EP400: variants seen among roughly 807,000 people sequenced by gnomAD.
EP400 encodes E1A-binding protein p400.
Under a neutral mutation model 354.1 loss-of-function variants are expected in EP400, and 105 were observed. That is an observed-to-expected ratio of 0.30 (90% CI 0.25 to 0.35). EP400 has a LOEUF of 0.35. Among genes scored for constraint, EP400 ranks in the 10% least tolerant of loss-of-function variants. EP400 has a pLI of 1.00. For missense variants in EP400, 3,280 were observed against 4,121.0 expected, an observed-to-expected ratio of 0.80 and a Z score of 5.59; for synonymous variants, 1,646 against 1,716.9, an observed-to-expected ratio of 0.96 and a Z score of 1.02.
In EP400 at chr12:132,012,990, T is replaced by C. The variant is rs1206379490; in HGVS notation, c.3442-19T>C. The C allele has an allele frequency of 6.3e-7, 1 of 1,587,312 alleles. No homozygotes were observed. The highest frequency in any genetic ancestry group is 8.6e-7 in the Non-Finnish European group (1 of 1,164,224). On this transcript the variant is annotated intron_variant, in intron 16 of 52. Transcript: ENST00000389561. ...ACAGTGGAGTGTGAAGGCACTGAGC[T>C]GTCCTCTCTGTGCTGCAGGAGTGGG...
intron 11 of EP400, 109 bp downstream of exon 11, chr12:131,992,339 G>T: frequency 2.0e-6 from 2 of 1,009,052 alleles, no homozygotes; most frequent in Non-Finnish European, 2.9e-6. Context: ...TGGTTGGAAA[G>T]CTCAACCTTT....
chr12:131,990,865 C>A lies in EP400; in HGVS notation c.2629+151C>A. 1 of 642,158 alleles carries A rather than the reference C, an allele frequency of 1.6e-6. No individual in the cohort carries two copies. The allele number at this position is 642,158 out of a possible 1,614,324, so 39.8% of individuals were successfully genotyped here. Reference sequence around the variant, plus strand: ...GATTGTTACATTTCTCTTTGTGTGGCCATCCTAGTTTTATGCTTCAGTGCT... The same window carrying A: ...GATTGTTACATTTCTCTTTGTGTGGACATCCTAGTTTTATGCTTCAGTGCT... On this transcript the variant is annotated intron_variant, in intron 9 of 52. Coordinates refer to ENST00000389561, the MANE Select transcript of EP400 (RefSeq NM_015409.5). The surrounding 1 kb of genome is among the most constrained non-coding windows in gnomAD (Gnocchi z 4.2).
In EP400 at chr12:131,971,386, TG is replaced by T. The variant is rs368208396; in HGVS notation, c.1336-8305del. On this transcript the variant is annotated intron_variant, in intron 2 of 52. Transcript: ENST00000389561. The stretch of plus-strand genomic sequence containing the variant: ...ACTATATTATCTGTTCATCTGTTGC[TG>T]GGCACTTAGGTTGTTTTCATAGCTT... Among the ~76,000 whole-genome samples the T allele has an allele frequency of 5.9e-5, 9 of 152,356 alleles. No homozygotes were observed. In the East Asian group the frequency reaches 1.7e-3, roughly 29 times the overall value.
chr12:131,953,560 A>G (rs544251952), intron 1 of EP400, among the ~76,000 whole-genome samples: 1 of 152,358 alleles, frequency 6.6e-6, no homozygotes, highest in Non-Finnish European at 1.5e-5. Context: ...AGTAACATAC[A>G]GTGTGATAAG....
At chr12:132,076,407 C>T in intron 51 of EP400, 109 bp from the exon 52 acceptor site, 2 of 1,085,044 alleles carry the variant, frequency 1.8e-6, no homozygotes, top group Non-Finnish European at 2.8e-6. Context: ...TCTGTGTCAC[C>T]TGGTCATTGT....
intron 12 of EP400, among the ~76,000 whole-genome samples, chr12:132,000,793 G>C (rs1252054785): frequency 6.6e-6 from 1 of 152,144 alleles, no homozygotes; most frequent in East Asian, 1.9e-4. Flanking sequence ...TTAAATTCCA[G>C]TTACCAGTTT....
At chr12:132,061,960 A>T in intron 45 of EP400, 150 bp from the exon 46 acceptor site, 5 of 653,560 alleles carry the variant, frequency 7.7e-6, no homozygotes, top group Non-Finnish European at 1.3e-5. Context: ...TTACACATGA[A>T]ATCAGCAGTT....
Position 132,006,308 on chromosome 12 carries a change from G to A in EP400, c.3126+6G>A, listed in dbSNP as rs1006778358. Reference sequence around the variant, plus strand: ...GTGCTCGGGTCACAACCTCGGTGAGGCGCTAAGCTTTCAAGTGTGGGATGG... The same window carrying A: ...GTGCTCGGGTCACAACCTCGGTGAGACGCTAAGCTTTCAAGTGTGGGATGG... On this transcript the variant is annotated splice_donor_region_variant and intron_variant, in intron 14 of 52. Transcript: ENST00000389561. The A allele has an allele frequency of 8.1e-6, 13 of 1,613,330 alleles. No homozygotes were observed. The African/African-American group carries it at 9.3e-5, about 12-fold the overall frequency.
At chr12:132,076,299 A>T in intron 51 of EP400, 1 of 637,748 alleles carries the variant, frequency 1.6e-6, no homozygotes. Context: ...TTAAATGATG[A>T]GTGATGGCAA....
At chr12:131,979,865 G>T in intron 3 of EP400, 72 bp downstream of exon 3, 1 of 1,324,154 alleles carries the variant, frequency 7.6e-7, no homozygotes, top group East Asian at 2.5e-5. Context: ...CAGTTGCCAT[G>T]AGTTTCTGAA....
At chr12:132,028,769 C>T (rs2078841222) in intron 27 of EP400, among the ~76,000 whole-genome samples, 2 of 152,156 alleles carry the variant, frequency 1.3e-5, no homozygotes, top group South Asian at 2.1e-4. Flanking sequence ...CAGTAGAGTG[C>T]GTTACCCTGT....
chr12:132,053,019 C>T, intron 41 of EP400, 127 bp from the exon 42 acceptor site: 2 of 971,628 alleles, frequency 2.1e-6, no homozygotes, highest in Non-Finnish European at 3.2e-6. Flanking sequence ...GGGCACCTTG[C>T]TTTACGCCCT....
At chr12:131,985,483 T>G (rs141854814) in intron 5 of EP400, among the ~76,000 whole-genome samples, 440 of 152,380 alleles carry the variant, frequency 2.9e-3, no homozygotes, top group South Asian at 5.2e-3. Context: ...CTTCAGCTTT[T>G]GAACGGGCTA....
chr12:132,054,000 G>C (rs1895398546), intron 43 of EP400, among the ~76,000 whole-genome samples: 1 of 152,210 alleles, frequency 6.6e-6, no homozygotes, highest in African/African-American at 2.4e-5. Flanking sequence ...GCCCATGTGT[G>C]CTCCCCCACA....
In EP400 at chr12:132,025,559, AT is replaced by A. The variant is rs1052881894; in HGVS notation, c.4856-82del. ...GATTTGATTTTCAGTTTGTCAACTT[AT>A]TTTTGTACTGTTTGGAAGTGCCTGG... On this transcript the variant is annotated intron_variant, in intron 24 of 52. Coordinates refer to ENST00000389561, the MANE Select transcript of EP400 (RefSeq NM_015409.5). The surrounding 1 kb of genome is among the most constrained non-coding windows in gnomAD (Gnocchi z 4.1). The A allele has an allele frequency of 1.8e-5, 24 of 1,365,240 alleles. No homozygotes were observed. The highest frequency in any genetic ancestry group is 1.8e-5 in the Non-Finnish European group (19 of 1,031,130). 84.6% of individuals were successfully genotyped at this position (1,365,240 alleles called of 1,614,324 possible).
rs189173962 is a variant in EP400 at position 132,017,842 on chromosome 12, C to T, written c.4110+121C>T. ...TCTTCTGCAATTGCAATTGCAGCTC[C>T]GCGATACATGGCACCGTCTAGCAGC... is the stretch of plus-strand genomic sequence containing the variant. On this transcript the variant is annotated intron_variant, in intron 20 of 52. Coordinates refer to ENST00000389561, the MANE Select transcript of EP400 (RefSeq NM_015409.5). This position sits in a 1 kb window ranked among gnomAD's most constrained non-coding sequence, Gnocchi z 5.0. 6.8e-4 allele frequency: 746 copies of T among 1,100,776 alleles called. 9 individuals are homozygous for T. The highest frequency in any genetic ancestry group is 2.2e-4 in the Non-Finnish European group (175 of 789,818). The allele number at this position is 1,100,776 out of a possible 1,614,324, so 68.2% of individuals were successfully genotyped here. A position where few individuals can be genotyped will look rare whatever the true frequency, so the allele number is the denominator to read the frequency against.
At chr12:132,034,052 A>G (rs1192156775) in intron 30 of EP400, among the ~76,000 whole-genome samples, 1 of 152,206 alleles carries the variant, frequency 6.6e-6, no homozygotes, top group Non-Finnish European at 1.5e-5. Context: ...GAAGGCTCAC[A>G]CTGTGTCTTC....
At position 132,013,353 on chromosome 12, in the gene EP400, C is replaced by A; in HGVS notation, c.3612-137C>A. ...CCCCAGAGCTGGGTCAGTGCAGCCC[C>A]CCTTTTCAGGCATGTGCACGTTGAC... On this transcript the variant is annotated intron_variant, in intron 17 of 52. Coordinates refer to ENST00000389561, the MANE Select transcript of EP400 (RefSeq NM_015409.5). This position sits in a 1 kb window ranked among gnomAD's most constrained non-coding sequence, Gnocchi z 4.5. 7.2e-7 allele frequency: 1 copy of A among 1,393,294 alleles called. No individual in the cohort carries two copies. Among genetic ancestry groups the A allele is most frequent in the South Asian group, 1.4e-5 (1 of 70,784 alleles). 86.3% of individuals were successfully genotyped at this position (1,393,294 alleles called of 1,614,324 possible).
At chr12:132,014,062 CT>C in intron 19 of EP400, 149 bp downstream of exon 19, 1 of 1,038,032 alleles carries the variant, frequency 9.6e-7, no homozygotes, top group Non-Finnish European at 1.4e-6. Flanking sequence ...GGGCAGCAGG[CT>C]CTGCAGCCTC....
Sources: gnomAD v4.1 joint callset for allele counts (sites outside exome capture counted in the v4.1 genomes callset) on GRCh38, gnomAD v4.1.1 for gene constraint, Gnocchi (gnomAD v3.1) non-coding constraint, MANE v1.5 for transcripts, NCBI Gene and HGNC (gene_info 2026-07-23, HGNC 2026-07-21) for gene names.